The following TRAF5 variants were observed in gnomAD, a reference collection of about 807,000 sequenced individuals.
The protein encoded by TRAF5 is TNF receptor-associated factor 5.
TRAF5 carries 48 observed loss-of-function variants against 64.5 expected under a neutral mutation model. That is an observed-to-expected ratio of 0.74 (90% CI 0.59 to 0.95). The LOEUF (loss-of-function observed/expected upper bound fraction) is 0.95. Among genes scored for constraint, TRAF5 ranks in the 40% least tolerant of loss-of-function variants. TRAF5 has a pLI of 0.00. For missense variants in TRAF5, 545 were observed against 662.8 expected (o/e 0.82, Z 1.95); for synonymous variants, 206 against 240.5 (o/e 0.86, Z 1.33).
chr1:211,372,481 A>G lies in TRAF5; in HGVS notation c.1453A>G (p.Met485Val), dbSNP rs143776579. The G allele has an allele frequency of 3.6e-5, 58 of 1,614,060 alleles. No homozygotes were observed. The highest frequency in any genetic ancestry group is 4.7e-5 in the Non-Finnish European group (55 of 1,180,034). Residue 485 changes from methionine (M) to valine (V), a missense_variant, in exon 11 of 11, where the codon ATG becomes GTG. By Grantham distance (21) the Met-to-Val change is conservative. Transcript: ENST00000261464. Reference protein sequence around the residue: ...QWPFRQRVTLMLLDQSGKKNI... With the variant: ...QWPFRQRVTLVLLDQSGKKNI... ...GCCATTCAGGCAGAGGGTGACCCTGATGCTTCTGGACCAGAGTGGCAAAAA... is the reference window on the plus strand; with the variant it reads ...GCCATTCAGGCAGAGGGTGACCCTGGTGCTTCTGGACCAGAGTGGCAAAAA...
Position 211,326,993 on chromosome 1 carries a change from A to C in TRAF5, c.-2+104A>C. The C allele has an allele frequency of 1.1e-5, 10 of 911,482 alleles. No individual in the cohort carries two copies. The highest frequency in any genetic ancestry group is 1.3e-5 in the Non-Finnish European group (10 of 762,518). 56.5% of individuals were successfully genotyped at this position (911,482 alleles called of 1,614,324 possible). A position where few individuals can be genotyped will look rare whatever the true frequency, so the allele number is the denominator to read the frequency against. ...CTCGTCCCAGTTACTTTGAAACCGA[A>C]AGCGCCTGCTGGCGTCCGGCCGGTC... On this transcript the variant is annotated intron_variant, in intron 1 of 10. Coordinates refer to ENST00000261464, the MANE Select transcript of TRAF5 (RefSeq NM_001033910.3). This position sits in a 1 kb window ranked among gnomAD's most constrained non-coding sequence, Gnocchi z 5.0.
intron 1 of TRAF5, among the ~76,000 whole-genome samples, chr1:211,333,319 G>A (rs926335555): frequency 6.6e-6 from 1 of 151,800 alleles, no homozygotes; most frequent in African/African-American, 2.4e-5. Flanking sequence ...TTCTGGAGTA[G>A]CTAGGATTAC....
chr1:211,369,314 C>T, intron 8 of TRAF5, 138 bp from the exon 9 acceptor site: 2 of 803,118 alleles, frequency 2.5e-6, no homozygotes, highest in Non-Finnish European at 1.8e-6. Context: ...GGAATCTACC[C>T]TGTAAATATT....
chr1:211,331,792 A>G (rs996355622), intron 1 of TRAF5, among the ~76,000 whole-genome samples: 1 of 152,044 alleles, frequency 6.6e-6, no homozygotes, highest in Non-Finnish European at 1.5e-5. Context: ...CAGCCTCCCA[A>G]GTAGCTGGGA....
chr1:211,338,579 G>A (rs1558132607), intron 1 of TRAF5, among the ~76,000 whole-genome samples: 2 of 152,136 alleles, frequency 1.3e-5, no homozygotes, highest in Non-Finnish European at 2.9e-5. Context: ...AATTTACGTG[G>A]ATTAATTCAT....
intron 1 of TRAF5, chr1:211,346,563 C>T (rs1702612311): frequency 5.4e-6 from 2 of 370,588 alleles, no homozygotes; most frequent in Non-Finnish European, 7.5e-6. Context: ...GTCTTATGCA[C>T]TATAACATAA....
chr1:211,338,377 CGCATA>C, intron 1 of TRAF5, among the ~76,000 whole-genome samples: 1 of 152,266 alleles, frequency 6.6e-6, no homozygotes, highest in Non-Finnish European at 1.5e-5. Flanking sequence ...CATATGCATA[CGCATA>C]TCCCTACCTT....
chr1:211,338,186 T>A (rs573880343), intron 1 of TRAF5, among the ~76,000 whole-genome samples: 7 of 152,310 alleles, frequency 4.6e-5, no homozygotes, highest in African/African-American at 1.7e-4. Context: ...TTCTAGTTGC[T>A]ACTGAGAGAT....
rs1647331232 is a variant in TRAF5, at chr1:211,326,919, C to T, written c.-2+30C>T. The stretch of plus-strand genomic sequence containing the variant: ...GTCCGGCGGGTCGCCGCCCTGGGCA[C>T]CCTCGCGACGGAAGGGCCGGGGTGG... On this transcript the variant is annotated intron_variant, in intron 1 of 10. Coordinates refer to ENST00000261464, the MANE Select transcript of TRAF5 (RefSeq NM_001033910.3). The surrounding 1 kb of genome is among the most constrained non-coding windows in gnomAD (Gnocchi z 5.0). The T allele has an allele frequency of 1.3e-5, 13 of 985,030 alleles. No homozygotes were observed. Among genetic ancestry groups the T allele is most frequent in the South Asian group, 4.5e-5 (1 of 22,036 alleles). 61.0% of individuals were successfully genotyped at this position (985,030 alleles called of 1,614,324 possible). A position where few individuals can be genotyped will look rare whatever the true frequency, so the allele number is the denominator to read the frequency against.
chr1:211,372,466 C>T lies in TRAF5; in HGVS notation c.1438C>T (p.Gln480Ter), dbSNP rs1703570058. 6.2e-7 allele frequency: 1 copy of T among 1,614,034 alleles called. No individual in the cohort carries two copies. The highest frequency in any genetic ancestry group is 1.1e-5 in the South Asian group (1 of 91,088). Residue 480 changes from glutamine to a stop codon, truncating the protein, a stop_gained, in exon 11 of 11, where the codon CAG becomes TAG. Coordinates refer to ENST00000261464, the MANE Select transcript of TRAF5 (RefSeq NM_001033910.3). LOFTEE classifies it high-confidence loss of function. ...FDSLLQWPFR[Q>*]RVTLMLLDQS... The stretch of plus-strand genomic sequence containing the variant: ...CTCACTGTTGCAGTGGCCATTCAGG[C>T]AGAGGGTGACCCTGATGCTTCTGGA...
At chr1:211,352,649 G>T (rs1211220726) in intron 1 of TRAF5, among the ~76,000 whole-genome samples, 1 of 151,722 alleles carries the variant, frequency 6.6e-6, no homozygotes, top group Non-Finnish European at 1.5e-5. Context: ...AAAAGTATTA[G>T]TCTGTTTGTG....
At chr1:211,337,002 G>C (rs1014462634) in intron 1 of TRAF5, among the ~76,000 whole-genome samples, 1 of 152,214 alleles carries the variant, frequency 6.6e-6, no homozygotes, top group Non-Finnish European at 1.5e-5. Context: ...AAAGTGCCGG[G>C]ATTAAAGGCG....
chr1:211,333,491 G>C (rs145479750), intron 1 of TRAF5, among the ~76,000 whole-genome samples: 2,417 of 149,634 alleles, frequency 0.016, 25 homozygotes, highest in Middle Eastern at 0.077. Context: ...CGTGAGCCAC[G>C]GTGCCCAGTC....
chr1:211,367,745 A>T lies in TRAF5; in HGVS notation c.790-1707A>T, dbSNP rs79631943. On this transcript the variant is annotated intron_variant, in intron 8 of 10. Transcript: ENST00000261464. Reference sequence around the variant, plus strand: ...GCTTTTGGTCAGGCAGGTAGGTGGAAGTCAGCTCTAGGGGTCTAAATAAAG... The same window carrying T: ...GCTTTTGGTCAGGCAGGTAGGTGGATGTCAGCTCTAGGGGTCTAAATAAAG... 9.2e-3 allele frequency among the ~76,000 whole-genome samples: 1,395 copies of T among 152,282 alleles called. 19 individuals carry two copies. Among genetic ancestry groups the T allele is most frequent in the African/African-American group, 0.032 (1,322 of 41,548 alleles).
At position 211,372,535 on chromosome 1, in the gene TRAF5, C is replaced by G. The variant is rs1340336798; in HGVS notation, c.1507C>G (p.Pro503Ala). 1 of 1,614,054 alleles carries G rather than the reference C, an allele frequency of 6.2e-7. No homozygotes were observed. The highest frequency in any genetic ancestry group is 2.2e-5 in the East Asian group (1 of 44,898). ...KNIMETFKPD[P>A]NSSSFKRPDG... Reference sequence around the variant, plus strand: ...CATTATGGAGACCTTCAAACCTGACCCCAATAGCAGCAGCTTTAAAAGACC... The same window carrying G: ...CATTATGGAGACCTTCAAACCTGACGCCAATAGCAGCAGCTTTAAAAGACC... Residue 503 changes from proline to alanine, a missense_variant, in exon 11 of 11, where the codon CCC (proline) becomes GCC (alanine). By Grantham distance (27) the Pro-to-Ala change is conservative. Transcript: ENST00000261464.
chr1:211,342,316 T>A (rs1429175038), intron 1 of TRAF5, among the ~76,000 whole-genome samples: 1 of 152,250 alleles, frequency 6.6e-6, no homozygotes, highest in Admixed American at 6.5e-5. Flanking sequence ...TTTTTTGATA[T>A]ATTTTTCTTT....
chr1:211,359,927 T>G lies in TRAF5; in HGVS notation c.394T>G (p.Cys132Gly). Reference sequence around the variant, plus strand: ...TCTGTTGCAGGATCACCTTCAGCAGTGCTTATTTCAACCTGTGCAGTGTTC... The same window carrying G: ...TCTGTTGCAGGATCACCTTCAGCAGGGCTTATTTCAACCTGTGCAGTGTTC... ...LGRYQDHLQQ[C>G]LFQPVQCSNE... is the part of the protein sequence containing the mutation. The change falls in exon 5 of 11, where the codon TGC becomes GGC. Residue 132 changes from cysteine (C) to glycine (G), a missense_variant. By Grantham distance (159) the Cys-to-Gly change is radical (BLOSUM62 -3). Coordinates refer to ENST00000261464, the MANE Select transcript of TRAF5 (RefSeq NM_001033910.3). 1 of 1,613,992 alleles carries G rather than the reference T, an allele frequency of 6.2e-7. No homozygotes were observed.
intron 1 of TRAF5, among the ~76,000 whole-genome samples, chr1:211,330,197 G>A (rs951021694): frequency 6.6e-6 from 1 of 152,076 alleles, no homozygotes; most frequent in Admixed American, 6.5e-5. Context: ...TGCAGTATCC[G>A]TGTGATGTGC....
chr1:211,332,925 C>A lies in TRAF5; in HGVS notation c.-2+6036C>A, dbSNP rs139335975. On this transcript the variant is annotated intron_variant, in intron 1 of 10. Coordinates refer to ENST00000261464, the MANE Select transcript of TRAF5 (RefSeq NM_001033910.3). ...TTATCTGTATCATTCCCACAGACCT[C>A]CCTTAGAGATATTTATTGCCATGTA... Among the ~76,000 whole-genome samples the A allele has an allele frequency of 3.4e-3, 523 of 152,344 alleles. 5 individuals are homozygous for A. The highest frequency in any genetic ancestry group is 0.012 in the South Asian group (59 of 4,832).
Sources: gnomAD v4.1 joint callset for allele counts (sites outside exome capture counted in the v4.1 genomes callset) on GRCh38, gnomAD v4.1.1 for gene constraint, Gnocchi (gnomAD v3.1) non-coding constraint, MANE v1.5 for transcripts, NCBI Gene and HGNC (gene_info 2026-07-23, HGNC 2026-07-21) for gene names.